ARL15: variants seen among roughly 807,000 people sequenced by gnomAD.
ARL15 encodes the protein ARF like GTPase 15.
Under a neutral mutation model 25.2 loss-of-function variants are expected in ARL15, and 19 were observed. The observed-to-expected ratio is 0.75, with a 90% CI of 0.53 to 1.10. The LOEUF (loss-of-function observed/expected upper bound fraction) is 1.10. ARL15 is among the 50% of genes least tolerant of loss of function. The pLI is 0.00. For missense variants in ARL15, 220 were observed against 246.0 expected (o/e 0.89, Z 0.71); for synonymous variants, 94 against 86.8 (o/e 1.08, Z -0.46).
chr5:54,037,874 C>G (rs2111928420), intron 4 of ARL15, among the ~76,000 whole-genome samples: 1 of 152,204 alleles, frequency 6.6e-6, no homozygotes, highest in East Asian at 1.9e-4. Flanking sequence ...TTCTTGGCAG[C>G]AATATAATGA....
intron 4 of ARL15, among the ~76,000 whole-genome samples, chr5:54,067,894 A>T (rs1233906691): frequency 6.6e-6 from 1 of 152,096 alleles, no homozygotes; most frequent in Non-Finnish European, 1.5e-5. Flanking sequence ...CTCACCAAAA[A>T]CTTACTACTC....
intron 4 of ARL15, among the ~76,000 whole-genome samples, chr5:54,065,826 A>G (rs1751213610): frequency 7.0e-6 from 1 of 142,578 alleles, no homozygotes; most frequent in South Asian, 2.2e-4. Context: ...AGTACTGATT[A>G]CATACAAATG....
intron 4 of ARL15, among the ~76,000 whole-genome samples, chr5:54,063,717 T>C (rs1238169430): frequency 1.3e-5 from 2 of 152,250 alleles, no homozygotes; most frequent in African/African-American, 2.4e-5. Flanking sequence ...AGGGTTTGCC[T>C]GCTACATCTT....
intron 3 of ARL15, among the ~76,000 whole-genome samples, chr5:54,127,160 A>G (rs1753284277): frequency 1.3e-5 from 2 of 152,210 alleles, no homozygotes; most frequent in South Asian, 4.1e-4. Context: ...ATGTCCCTAC[A>G]AAGGACATGA....
chr5:54,196,557 G>A (rs1186594476), intron 1 of ARL15, among the ~76,000 whole-genome samples: 1 of 151,904 alleles, frequency 6.6e-6, no homozygotes, highest in Admixed American at 6.6e-5. Context: ...AAATAAAGCA[G>A]TAAGTGGTAA....
intron 4 of ARL15, among the ~76,000 whole-genome samples, chr5:54,081,801 A>G (rs544139508): frequency 6.6e-6 from 1 of 152,218 alleles, no homozygotes; most frequent in South Asian, 2.1e-4. Context: ...TTATAGCAGT[A>G]TGAAAACAGG....
At chr5:53,918,287 G>A (rs1745722660) in intron 4 of ARL15, among the ~76,000 whole-genome samples, 1 of 152,144 alleles carries the variant, frequency 6.6e-6, no homozygotes, top group Non-Finnish European at 1.5e-5. Context: ...CTGCGCTGAA[G>A]CAATACTCCT....
chr5:54,209,804 G>C (rs1755985332), intron 1 of ARL15, among the ~76,000 whole-genome samples: 1 of 152,104 alleles, frequency 6.6e-6, no homozygotes, highest in South Asian at 2.1e-4. Flanking sequence ...CATTCTTCCA[G>C]AGTGTTTGAA....
intron 1 of ARL15, among the ~76,000 whole-genome samples, chr5:54,200,301 TAAAAAAAGAGA>T (rs1255853663): frequency 3.8e-5 from 5 of 131,156 alleles, no homozygotes; most frequent in African/African-American, 1.4e-4. Context: ...TAATAATAAT[TAAAAAAAGAGA>T]AAAAAAAGAA....
chr5:53,932,857 C>T (rs1392290045), intron 4 of ARL15, among the ~76,000 whole-genome samples: 1 of 152,104 alleles, frequency 6.6e-6, no homozygotes, highest in Non-Finnish European at 1.5e-5. Context: ...CAAGGAATTA[C>T]AGGGGAAAAT....
At chr5:53,957,909 T>C (rs1289830393) in intron 4 of ARL15, among the ~76,000 whole-genome samples, 1 of 151,910 alleles carries the variant, frequency 6.6e-6, no homozygotes, top group Non-Finnish European at 1.5e-5. Context: ...ACTTTCTACA[T>C]GATTTAAAAG....
chr5:54,192,246 TA>T (rs1335618383), intron 1 of ARL15, among the ~76,000 whole-genome samples: 1 of 149,440 alleles, frequency 6.7e-6, no homozygotes, highest in Non-Finnish European at 1.5e-5. Flanking sequence ...ACATGTACCC[TA>T]AAACTTAAAG....
At position 54,208,878 on chromosome 5, in the gene ARL15, A is replaced by G. The variant is rs192985658; in HGVS notation, c.49-36950T>C. On this transcript the variant is annotated intron_variant, in intron 1 of 4. Coordinates refer to ENST00000504924, the MANE Select transcript of ARL15 (RefSeq NM_019087.3). ...AGATTGGCGTAGATCAGAAGCTCTG[A>G]GAGAATGTCACCAAGAAGATGAACT... Among the ~76,000 whole-genome samples, 7 of 152,264 alleles carry G rather than the reference A, an allele frequency of 4.6e-5. No individual in the cohort carries two copies. In the East Asian group the frequency reaches 1.4e-3, roughly 29 times the overall value.
chr5:54,300,246 C>T (rs1758582019), intron 1 of ARL15, among the ~76,000 whole-genome samples: 1 of 152,186 alleles, frequency 6.6e-6, no homozygotes, highest in South Asian at 2.1e-4. Flanking sequence ...GTAGAAAAGA[C>T]CAGGCAGTTT....
intron 4 of ARL15, among the ~76,000 whole-genome samples, chr5:54,058,466 C>T (rs993922922): frequency 1.2e-4 from 18 of 152,202 alleles, no homozygotes; most frequent in Non-Finnish European, 2.1e-4. Context: ...AATGGAGATC[C>T]TCCTCTCCAG....
chr5:53,929,712 A>G lies in ARL15; in HGVS notation c.463-42999T>C, dbSNP rs190073083. ...CATGGGGGACAGGGTGAAAGGTCCA[A>G]TGGACTACCATAAATGTGTGGTTCA... On this transcript the variant is annotated intron_variant, in intron 4 of 4. Transcript: ENST00000504924. Among the ~76,000 whole-genome samples the G allele has an allele frequency of 4.4e-3, 671 of 152,324 alleles. 7 individuals are homozygous for G. The highest frequency in any genetic ancestry group is 0.015 in the African/African-American group (644 of 41,572).
chr5:54,099,917 C>T (rs1161208846), intron 4 of ARL15, among the ~76,000 whole-genome samples: 1 of 152,126 alleles, frequency 6.6e-6, no homozygotes. Flanking sequence ...AAAGTTCTGA[C>T]TTCCCAGTCT....
At chr5:54,139,885 T>C (rs1561239403) in intron 3 of ARL15, among the ~76,000 whole-genome samples, 1 of 152,164 alleles carries the variant, frequency 6.6e-6, no homozygotes, top group Non-Finnish European at 1.5e-5. Flanking sequence ...TGTTCAGAGA[T>C]ACACCTAAAG....
chr5:54,258,025 A>G (rs1439786413), intron 1 of ARL15, among the ~76,000 whole-genome samples: 2 of 152,100 alleles, frequency 1.3e-5, no homozygotes, highest in African/African-American at 4.8e-5. Context: ...AGCTCAAAGC[A>G]CTTTATAAAT....
Sources: gnomAD v4.1 joint callset for allele counts (sites outside exome capture counted in the v4.1 genomes callset) on GRCh38, gnomAD v4.1.1 for gene constraint, MANE v1.5 for transcripts, NCBI Gene and HGNC (gene_info 2026-07-23, HGNC 2026-07-21) for gene names.